Variants in MAPK10 observed in about 807,000 individuals in gnomAD.
MAPK10 encodes the protein JNK3 alpha protein kinase.
A neutral mutation model predicts 59.3 loss-of-function variants in MAPK10; 25 were observed. The observed-to-expected ratio is 0.42, with a 90% CI of 0.31 to 0.59. MAPK10 has a LOEUF of 0.59. MAPK10 is among the 20% of genes least tolerant of loss of function. The pLI, the probability that MAPK10 is intolerant of heterozygous loss-of-function variation, is 0.15. For synonymous variants in MAPK10, 190 were observed against 200.5 expected (o/e 0.95, Z 0.44); for missense variants, 351 against 568.9 (o/e 0.62, Z 3.90).
At chr4:86,515,072 T>G (rs1007913989) in intron 1 of MAPK10, among the ~76,000 whole-genome samples, 1 of 152,198 alleles carries the variant, frequency 6.6e-6, no homozygotes, top group Non-Finnish European at 1.5e-5. Context: ...ATAGCTTATT[T>G]CTCACTTATA....
chr4:86,587,271 TTA>T (rs1762715541), intron 1 of MAPK10, among the ~76,000 whole-genome samples: 1 of 152,218 alleles, frequency 6.6e-6, no homozygotes, highest in Non-Finnish European at 1.5e-5. Context: ...GTCCCAGTGT[TTA>T]GTTATCTCTG....
chr4:86,451,620 A>G (rs1750729650), intron 1 of MAPK10, among the ~76,000 whole-genome samples: 2 of 152,214 alleles, frequency 1.3e-5, no homozygotes, highest in Non-Finnish European at 2.9e-5. Flanking sequence ...AAGGAGGCCA[A>G]GCAAAGGTGT....
intron 1 of MAPK10, among the ~76,000 whole-genome samples, chr4:86,443,630 C>T (rs1391539177): frequency 1.3e-5 from 2 of 152,068 alleles, no homozygotes; most frequent in South Asian, 2.1e-4. Context: ...CACACACACA[C>T]GCACAAAACG....
chr4:86,103,150 T>C (rs1479341763), intron 6 of MAPK10, 36 bp downstream of exon 6: 1 of 1,515,844 alleles, frequency 6.6e-7, no homozygotes, highest in East Asian at 2.3e-5. Context: ...ATCTGAGTGC[T>C]GTGCTCTCCC....
At position 86,151,803 on chromosome 4, in the gene MAPK10, G is replaced by C. The variant is rs1581386045; in HGVS notation, c.236+7495C>G. ...ACAATTTGGCTTATAATTTTCCTCT[G>C]CTCCCTGATTATTTGCATTTTCTTC... On this transcript the variant is annotated intron_variant, in intron 4 of 13. Transcript: ENST00000641462. Among the ~76,000 whole-genome samples, 4 of 152,296 alleles carry C rather than the reference G, an allele frequency of 2.6e-5. No individual in the cohort carries two copies. In the East Asian group the frequency reaches 7.7e-4, roughly 29 times the overall value.
intron 1 of MAPK10, among the ~76,000 whole-genome samples, chr4:86,541,315 C>A (rs1468672355): frequency 6.6e-6 from 1 of 152,144 alleles, no homozygotes; most frequent in African/African-American, 2.4e-5. Context: ...TTGCTCTGCA[C>A]TGCACTGCCC....
intron 9 of MAPK10, 104 bp downstream of exon 9, chr4:86,098,419 AC>A: frequency 6.5e-7 from 1 of 1,548,640 alleles, no homozygotes. Context: ...AACACCACTT[AC>A]CCAACTTTTT....
chr4:86,096,164 G>C (rs571454909), intron 9 of MAPK10, among the ~76,000 whole-genome samples: 29 of 151,514 alleles, frequency 1.9e-4, no homozygotes, highest in Admixed American at 4.6e-4. Flanking sequence ...TACATTATCT[G>C]TATTAGAGAT....
chr4:86,171,445 T>C (rs1286899197), intron 3 of MAPK10, among the ~76,000 whole-genome samples: 1 of 151,914 alleles, frequency 6.6e-6, no homozygotes, highest in Non-Finnish European at 1.5e-5. Flanking sequence ...TATCTGATCT[T>C]TGACAAACCT....
intron 4 of MAPK10, among the ~76,000 whole-genome samples, chr4:86,128,088 G>C (rs73837415): frequency 6.6e-6 from 1 of 151,982 alleles, no homozygotes; most frequent in East Asian, 1.9e-4. Context: ...GGGTTTCTAA[G>C]TTTTATGCAT....
chr4:86,103,031 C>T, intron 6 of MAPK10, 155 bp downstream of exon 6: 1 of 563,576 alleles, frequency 1.8e-6, no homozygotes, highest in Non-Finnish European at 3.1e-6. Flanking sequence ...TTTCATTTGA[C>T]CCCACCTCTT....
chr4:86,264,840 C>G (rs2094157568), intron 2 of MAPK10, among the ~76,000 whole-genome samples: 1 of 144,970 alleles, frequency 6.9e-6, no homozygotes, highest in Non-Finnish European at 1.5e-5. Flanking sequence ...TAATATGTTT[C>G]TTTCTGCTAA....
intron 4 of MAPK10, among the ~76,000 whole-genome samples, chr4:86,129,722 T>C (rs1272944982): frequency 6.6e-6 from 1 of 152,152 alleles, no homozygotes; most frequent in Non-Finnish European, 1.5e-5. Context: ...TGACCCCAAA[T>C]GGATTTCCTG....
chr4:86,548,671 C>T (rs1024347608), intron 1 of MAPK10, among the ~76,000 whole-genome samples: 6 of 152,096 alleles, frequency 3.9e-5, no homozygotes, highest in African/African-American at 7.2e-5. Flanking sequence ...AACCATGAGC[C>T]AATTAAACCT....
chr4:86,064,886 CTTTT>C (rs1473562906), intron 10 of MAPK10: 1 of 152,200 alleles, frequency 6.6e-6, no homozygotes, highest in Non-Finnish European at 1.5e-5. Context: ...TTTTTCTTTT[CTTTT>C]TGTTTTTGTT....
chr4:86,450,345 A>G (rs896978352), intron 1 of MAPK10, among the ~76,000 whole-genome samples: 8 of 152,230 alleles, frequency 5.3e-5, no homozygotes, highest in Non-Finnish European at 1.0e-4. Context: ...AGACACTCCA[A>G]AGCTTAATAT....
chr4:86,427,669 TTA>T (rs1228414024), intron 1 of MAPK10, among the ~76,000 whole-genome samples: 1 of 152,242 alleles, frequency 6.6e-6, no homozygotes, highest in Non-Finnish European at 1.5e-5. Flanking sequence ...ATTCTCTAAC[TTA>T]TATTGACAGG....
At chr4:86,044,399 A>G (rs1269099426) in intron 11 of MAPK10, 1 of 203,682 alleles carries the variant, frequency 4.9e-6, no homozygotes, top group Non-Finnish European at 9.7e-6. Flanking sequence ...ATATTTTTAA[A>G]CTTCCCAAAT....
chr4:86,106,656 C>T (rs566161386), intron 5 of MAPK10, among the ~76,000 whole-genome samples: 4 of 151,836 alleles, frequency 2.6e-5, no homozygotes, highest in African/African-American at 9.6e-5. Context: ...TGAGAAAAAG[C>T]TCTTGATCCT....
Sources: allele counts gnomAD v4.1 joint callset (sites outside exome capture counted in the v4.1 genomes callset), GRCh38; gene constraint gnomAD v4.1.1; transcripts MANE v1.5; gene names NCBI Gene and HGNC (gene_info 2026-07-23, HGNC 2026-07-21).